Variants in MED12L observed in about 807,000 individuals in gnomAD.
MED12L encodes mediator complex subunit 12L.
Under a neutral mutation model 281.3 loss-of-function variants are expected in MED12L, and 60 were observed. That is an observed-to-expected ratio of 0.21 (90% CI 0.17 to 0.26). The LOEUF (loss-of-function observed/expected upper bound fraction) is 0.26, where lower values mean the gene tolerates loss of function less well. MED12L is among the 10% of genes least tolerant of loss of function. The pLI is 1.00. For missense variants in MED12L, 2,146 were observed against 2,680.9 expected, an observed-to-expected ratio of 0.80 and a Z score of 4.41; for synonymous variants, 974 against 987.2, an observed-to-expected ratio of 0.99 and a Z score of 0.25.
At chr3:151,362,047 C>T (rs548733797) in intron 21 of MED12L, among the ~76,000 whole-genome samples, 20 of 151,688 alleles carry the variant, frequency 1.3e-4, no homozygotes, top group African/African-American at 4.8e-4. Flanking sequence ...ATTTTTTTTC[C>T]TTTGTCATAC....
chr3:151,229,503 G>A (rs1731211147), intron 16 of MED12L, among the ~76,000 whole-genome samples: 1 of 132,128 alleles, frequency 7.6e-6, no homozygotes, highest in Admixed American at 8.4e-5. Flanking sequence ...TTTTGAGACG[G>A]AGTCTCACTT....
chr3:151,337,752 C>T, intron 16 of MED12L: 2 of 1,502,760 alleles, frequency 1.3e-6, no homozygotes, highest in Non-Finnish European at 1.8e-6. Flanking sequence ...AATATTTTTA[C>T]TTAGCGCTTT....
chr3:151,137,869 C>G (rs545660112), intron 5 of MED12L, among the ~76,000 whole-genome samples: 2 of 151,994 alleles, frequency 1.3e-5, no homozygotes, highest in Non-Finnish European at 2.9e-5. Flanking sequence ...GTAAGGTACA[C>G]TGTTTCAGTT....
At chr3:151,295,335 A>C (rs956814774) in intron 16 of MED12L, 2 of 648,766 alleles carry the variant, frequency 3.1e-6, no homozygotes, top group Non-Finnish European at 5.4e-6. Context: ...TCAATGATTT[A>C]CAGAGTCAAG....
In MED12L at chr3:151,086,899, T is replaced by C; in HGVS notation, c.-28T>C. 6.4e-7 allele frequency: 1 copy of C among 1,552,164 alleles called. No homozygotes were observed. The highest frequency in any genetic ancestry group is 8.7e-7 in the Non-Finnish European group (1 of 1,146,292). ...GCGGCTGCTCCAGCTCCAACTCTCA[T>C]TCATTTCGCCGGTTAACATGAGAGA... On this transcript the variant is annotated 5_prime_UTR_variant, in exon 2 of 45. Transcript: ENST00000687756.
chr3:151,357,295 G>A lies in MED12L; in HGVS notation c.2744G>A (p.Cys915Tyr). 1 of 1,613,896 alleles carries A rather than the reference G, an allele frequency of 6.2e-7. No individual in the cohort carries two copies. Among genetic ancestry groups the A allele is most frequent in the Non-Finnish European group, 8.5e-7 (1 of 1,179,874 alleles). Reference protein sequence around the residue: ...SLAGSYTTGLCVCIVAVLRRY... With the variant: ...SLAGSYTTGLYVCIVAVLRRY... ...GCAGGAAGTTATACAACAGGACTGT[G>A]TGTCTGCATCGTGGCTGTTCTCAGG... Residue 915 changes from cysteine to tyrosine, a missense_variant, in exon 20 of 45, where the codon TGT becomes TAT. Cys to Tyr is a radical substitution (Grantham distance 194). Around this residue, in one of 9 missense-constraint regions of MED12L, gnomAD observed 404 missense variants for 603.5 expected, o/e 0.67. Coordinates refer to ENST00000687756, the MANE Select transcript of MED12L (RefSeq NM_001393769.1).
chr3:151,269,048 T>C (rs926997416), intron 16 of MED12L, among the ~76,000 whole-genome samples: 2 of 152,128 alleles, frequency 1.3e-5, no homozygotes, highest in African/African-American at 4.8e-5. Flanking sequence ...GACATTGGCC[T>C]CTCTGGGCTT....
chr3:151,213,663 A>C, intron 16 of MED12L: 1 of 1,614,226 alleles, frequency 6.2e-7, no homozygotes, highest in Non-Finnish European at 8.5e-7. Context: ...GACTTGACTT[A>C]AGGTGGGACT....
intron 4 of MED12L, among the ~76,000 whole-genome samples, chr3:151,127,527 C>T (rs1464435833): frequency 6.6e-6 from 1 of 152,138 alleles, no homozygotes; most frequent in Non-Finnish European, 1.5e-5. Context: ...GAGTAGCTCT[C>T]AGCATCTGAG....
chr3:151,285,975 T>G (rs565937888), intron 16 of MED12L, among the ~76,000 whole-genome samples: 7 of 152,332 alleles, frequency 4.6e-5, no homozygotes, highest in African/African-American at 1.7e-4. Flanking sequence ...TTACCCAGTT[T>G]AAAGTATTTT....
rs113061339 is a variant in MED12L at position 151,238,137 on chromosome 3, T to TTTTTTCTTTTTC, written c.2250+44483_2250+44494dup. Among the ~76,000 whole-genome samples, 1,176 of 149,600 alleles carry TTTTTTCTTTTTC rather than the reference T, an allele frequency of 7.9e-3. 27 individuals are homozygous for TTTTTTCTTTTTC. Among genetic ancestry groups the TTTTTTCTTTTTC allele is most frequent in the African/African-American group, 0.028 (1,123 of 40,570 alleles). ...AGTTTAGAACAGTGCACATTTTTTC[T>TTTTTTCTTTTTC]TTTTTCTTTTTCTTTTTCTTTTTTC... On this transcript the variant is annotated intron_variant, in intron 16 of 44. Transcript: ENST00000687756.
chr3:151,130,158 G>T (rs1715165061), intron 5 of MED12L, among the ~76,000 whole-genome samples: 2 of 152,294 alleles, frequency 1.3e-5, no homozygotes, highest in South Asian at 4.1e-4. Context: ...TGAAGTGTCT[G>T]AATCGGCATC....
At chr3:151,167,183 T>A (rs899400473) in intron 11 of MED12L, among the ~76,000 whole-genome samples, 1 of 152,220 alleles carries the variant, frequency 6.6e-6, no homozygotes, top group Non-Finnish European at 1.5e-5. Flanking sequence ...CACAGATAAT[T>A]TTTATCTCAC....
intron 23 of MED12L, 98 bp downstream of exon 23, chr3:151,366,089 T>G: frequency 1.9e-6 from 2 of 1,034,416 alleles, no homozygotes; most frequent in Non-Finnish European, 2.7e-6. Flanking sequence ...TTGATTCAAC[T>G]GAAATGTTAT....
At chr3:151,381,096 A>C (rs1712253581) in intron 32 of MED12L, among the ~76,000 whole-genome samples, 1 of 152,250 alleles carries the variant, frequency 6.6e-6, no homozygotes, top group African/African-American at 2.4e-5. Flanking sequence ...CTGAGCATTC[A>C]CAACAGAAAT....
chr3:151,160,026 G>A lies in MED12L; in HGVS notation c.1032G>A (p.Val344=), dbSNP rs1719784256. The A allele has an allele frequency of 1.2e-6, 2 of 1,614,186 alleles. No homozygotes were observed. The highest frequency in any genetic ancestry group is 2.2e-5 in the South Asian group (2 of 91,078). Residue 344 remains valine, a synonymous_variant, in exon 8 of 45, where the codon GTG becomes GTA. Transcript: ENST00000687756. ...CCCCCGGCCCTGGCATGAGCCCCGT[G>A]CAGCTGGCCTTCTCAGATTTTCTTT... ...PGPPGPGMSP[V]QLAFSDFLSC...
At chr3:151,338,103 C>T in intron 16 of MED12L, 2 of 1,613,990 alleles carry the variant, frequency 1.2e-6, no homozygotes, top group Non-Finnish European at 1.7e-6. Context: ...AGGAACAAAA[C>T]AAATAAAGAA....
chr3:151,390,068 G>C lies in MED12L; in HGVS notation c.5541G>C (p.Trp1847Cys), dbSNP rs1713993296. Residue 1847 changes from tryptophan (W) to cysteine (C), a missense_variant, in exon 38 of 45, where the codon TGG (tryptophan) becomes TGC (cysteine). Coordinates refer to ENST00000687756, the MANE Select transcript of MED12L (RefSeq NM_001393769.1). ...TGCACCATCCACAGTCCACCTTGTG[G>C]GGTTACAACCTCGTGGGCCAGCCCC... ...QMMHHPQSTL[W>C]GYNLVGQPQQ... 1 of 1,614,108 alleles carries C rather than the reference G, an allele frequency of 6.2e-7. No individual in the cohort carries two copies. The highest frequency in any genetic ancestry group is 8.5e-7 in the Non-Finnish European group (1 of 1,179,974).
At chr3:151,176,476 TAAATG>T (rs992534794) in intron 11 of MED12L, among the ~76,000 whole-genome samples, 1 of 152,248 alleles carries the variant, frequency 6.6e-6, no homozygotes, top group Admixed American at 6.5e-5. Context: ...TTGGAGGACA[TAAATG>T]AAATTGCTCT....
Sources: allele counts gnomAD v4.1 joint callset (sites outside exome capture counted in the v4.1 genomes callset), GRCh38; gene constraint gnomAD v4.1.1; regional missense constraint gnomAD v4.1.1; transcripts MANE v1.5; gene names NCBI Gene and HGNC (gene_info 2026-07-23, HGNC 2026-07-21).